Variants in FER observed in about 807,000 individuals in gnomAD.
FER encodes FER tyrosine kinase, also known as tyrosine-protein kinase Fer.
FER carries 63 observed loss-of-function variants against 111.0 expected under a neutral mutation model. That is an observed-to-expected ratio of 0.57 (90% CI 0.46 to 0.70). The LOEUF (loss-of-function observed/expected upper bound fraction) is 0.70. Among genes scored for constraint, FER ranks in the 30% least tolerant of loss-of-function variants. FER has a pLI of 0.00. For missense variants in FER, 914 were observed against 954.0 expected, an observed-to-expected ratio of 0.96 and a Z score of 0.55; for synonymous variants, 327 against 313.9, an observed-to-expected ratio of 1.04 and a Z score of -0.44.
At chr5:108,901,204 G>A (rs1344275792) in intron 10 of FER, among the ~76,000 whole-genome samples, 2 of 151,078 alleles carry the variant, frequency 1.3e-5, no homozygotes, top group Non-Finnish European at 2.9e-5. Context: ...CCTTGATCTT[G>A]GACTTCCTGG....
chr5:109,136,138 C>T (rs1300962089), intron 17 of FER, among the ~76,000 whole-genome samples: 3 of 151,826 alleles, frequency 2.0e-5, no homozygotes, highest in Non-Finnish European at 4.4e-5. Context: ...CACCTGTAAT[C>T]CCAGCTACTT....
chr5:109,123,988 G>C (rs2126520582), intron 17 of FER, among the ~76,000 whole-genome samples: 1 of 152,240 alleles, frequency 6.6e-6, no homozygotes, highest in Admixed American at 6.5e-5. Flanking sequence ...CCAGCACTTT[G>C]GGAGACCGAG....
chr5:108,932,035 T>TA, intron 10 of FER, among the ~76,000 whole-genome samples: 1 of 151,132 alleles, frequency 6.6e-6, no homozygotes, highest in East Asian at 1.9e-4. Context: ...ATTTTTTTTT[T>TA]ATTATACTTT....
At chr5:108,910,807 A>C (rs913183615) in intron 10 of FER, among the ~76,000 whole-genome samples, 1 of 152,000 alleles carries the variant, frequency 6.6e-6, no homozygotes, top group African/African-American at 2.4e-5. Flanking sequence ...TAGTTGCTGC[A>C]AAGGACATTA....
intron 16 of FER, among the ~76,000 whole-genome samples, chr5:109,054,284 G>A (rs182130487): frequency 2.0e-5 from 3 of 152,236 alleles, no homozygotes; most frequent in East Asian, 1.9e-4. Flanking sequence ...CCTCCCCATC[G>A]TCGTCAGCAC....
intron 5 of FER, among the ~76,000 whole-genome samples, chr5:108,845,019 T>TATAC (rs1561502886): frequency 1.4e-4 from 7 of 51,546 alleles, no homozygotes; most frequent in Non-Finnish European, 2.3e-4. Context: ...TATATATATA[T>TATAC]ATATATATAT....
intron 13 of FER, among the ~76,000 whole-genome samples, chr5:108,981,025 A>G (rs191038013): frequency 1.3e-5 from 2 of 152,256 alleles, no homozygotes; most frequent in Admixed American, 6.5e-5. Context: ...TGATTGACCC[A>G]CGGTTGCCAA....
intron 3 of FER, among the ~76,000 whole-genome samples, chr5:108,829,162 A>T (rs1290614339): frequency 2.0e-5 from 3 of 152,316 alleles, no homozygotes; most frequent in Middle Eastern, 3.4e-3. Context: ...CCACCCAGCT[A>T]ATTCAAGGAA....
intron 8 of FER, among the ~76,000 whole-genome samples, chr5:108,873,123 CT>C (rs1202105967): frequency 2.6e-5 from 4 of 151,238 alleles, no homozygotes; most frequent in Admixed American, 1.3e-4. Flanking sequence ...GGTTTGGAAT[CT>C]TTTTTTTTGT....
intron 9 of FER, among the ~76,000 whole-genome samples, chr5:108,885,120 A>C (rs1746910864): frequency 6.6e-6 from 1 of 151,938 alleles, no homozygotes; most frequent in Admixed American, 6.6e-5. Flanking sequence ...TGATCTGGTG[A>C]AGATGAGCCA....
At position 109,053,938 on chromosome 5, in the gene FER, G is replaced by A. The variant is rs550110410; in HGVS notation, c.1924+6740G>A. 2.0e-3 allele frequency among the ~76,000 whole-genome samples: 304 copies of A among 152,020 alleles called. 1 individual carries two copies. The highest frequency in any genetic ancestry group is 7.2e-3 in the African/African-American group (298 of 41,450). On this transcript the variant is annotated intron_variant, in intron 16 of 19. Coordinates refer to ENST00000281092, the MANE Select transcript of FER (RefSeq NM_005246.4). ...GATCTCCTGACCTCGTGATCCGCCC[G>A]CCTCGGCCTCCCAAAGTGCTAGGAT...
intron 12 of FER, among the ~76,000 whole-genome samples, chr5:108,956,374 G>GT (rs1758430838): frequency 6.6e-6 from 1 of 151,572 alleles, no homozygotes. Flanking sequence ...AGCTCTAAAA[G>GT]TAACTATTTT....
At chr5:108,905,196 A>T (rs1750581952) in intron 10 of FER, among the ~76,000 whole-genome samples, 1 of 152,108 alleles carries the variant, frequency 6.6e-6, no homozygotes, top group African/African-American at 2.4e-5. Context: ...GTATCAGGAG[A>T]GAAAAAACAA....
intron 10 of FER, among the ~76,000 whole-genome samples, chr5:108,907,573 G>C (rs1200762748): frequency 6.6e-6 from 1 of 151,894 alleles, no homozygotes; most frequent in Non-Finnish European, 1.5e-5. Flanking sequence ...GATTATAGGA[G>C]TGAGCCCCTG....
At chr5:108,807,022 T>A (rs959131794) in intron 3 of FER, among the ~76,000 whole-genome samples, 1 of 152,170 alleles carries the variant, frequency 6.6e-6, no homozygotes, top group African/African-American at 2.4e-5. Flanking sequence ...CTCCCACAAT[T>A]CCCATGTGTT....
chr5:109,011,319 A>G (rs1018378244), intron 13 of FER, among the ~76,000 whole-genome samples: 2 of 152,194 alleles, frequency 1.3e-5, no homozygotes, highest in East Asian at 1.9e-4. Context: ...AGCAAAATGT[A>G]TGCACAACGG....
intron 17 of FER, among the ~76,000 whole-genome samples, chr5:109,138,054 T>A (rs1753103298): frequency 6.6e-6 from 1 of 152,062 alleles, no homozygotes; most frequent in Non-Finnish European, 1.5e-5. Flanking sequence ...TTCTGTCATA[T>A]CGGAACTAAA....
At chr5:108,953,980 C>A (rs1298421176) in intron 11 of FER, among the ~76,000 whole-genome samples, 1 of 152,114 alleles carries the variant, frequency 6.6e-6, no homozygotes, top group Non-Finnish European at 1.5e-5. Context: ...GAAATACAAT[C>A]ATCTCTTAAA....
chr5:108,750,670 G>A (rs1010755923), intron 1 of FER, among the ~76,000 whole-genome samples: 2 of 152,342 alleles, frequency 1.3e-5, no homozygotes, highest in African/African-American at 4.8e-5. Context: ...AGCTTTGGTA[G>A]ACAAATCATT....
Sources: gnomAD v4.1 joint callset for allele counts (sites outside exome capture counted in the v4.1 genomes callset) on GRCh38, gnomAD v4.1.1 for gene constraint, MANE v1.5 for transcripts, NCBI Gene and HGNC (gene_info 2026-07-23, HGNC 2026-07-21) for gene names.